Variants in GOLM2 observed in about 807,000 individuals in gnomAD.
The protein encoded by GOLM2 is protein GOLM2.
Under a neutral mutation model 55.9 loss-of-function variants are expected in GOLM2, and 26 were observed. That is an observed-to-expected ratio of 0.47 (90% CI 0.34 to 0.65). GOLM2 has a LOEUF of 0.65. Among genes scored for constraint, GOLM2 ranks in the 30% least tolerant of loss-of-function variants. The probability of loss-of-function intolerance (pLI) is 0.01; values close to 1 mark genes in which losing one functional copy is unlikely to be tolerated. For synonymous variants in GOLM2, 165 were observed against 194.6 expected, an observed-to-expected ratio of 0.85 and a Z score of 1.27; for missense variants, 486 against 531.8, an observed-to-expected ratio of 0.91 and a Z score of 0.85.
intron 6 of GOLM2, among the ~76,000 whole-genome samples, chr15:44,370,580 T>A (rs1595654269): frequency 6.6e-6 from 1 of 152,272 alleles, no homozygotes; most frequent in East Asian, 1.9e-4. Context: ...TGGTCCCTAC[T>A]CTTAAACTAT....
chr15:44,289,389 G>A lies in GOLM2; in HGVS notation c.327+33G>A, dbSNP rs767164436. 16 of 1,563,446 alleles carry A rather than the reference G, an allele frequency of 1.0e-5. No homozygotes were observed. The highest frequency in any genetic ancestry group is 1.2e-5 in the Non-Finnish European group (14 of 1,152,392). The stretch of plus-strand genomic sequence containing the variant: ...CGACCCTTTTCTCTTCAAACCCCAT[G>A]GTTTCTTTTCTCCCCGGGGTCTGGG... On this transcript the variant is annotated intron_variant, in intron 1 of 9. Coordinates refer to ENST00000299957, the MANE Select transcript of GOLM2 (RefSeq NM_138423.4). The surrounding 1 kb of genome is among the most constrained non-coding windows in gnomAD (Gnocchi z 4.8).
chr15:44,334,264 T>C (rs1303812436), intron 4 of GOLM2, among the ~76,000 whole-genome samples: 1 of 152,218 alleles, frequency 6.6e-6, no homozygotes, highest in Non-Finnish European at 1.5e-5. Context: ...TACCTAATTC[T>C]ACTCCCCACC....
At chr15:44,413,285 C>T (rs1283210037) in intron 9 of GOLM2, 51 bp from the exon 10 acceptor site, 1 of 1,338,858 alleles carries the variant, frequency 7.5e-7, no homozygotes, top group African/African-American at 1.5e-5. Flanking sequence ...AATTGGATTT[C>T]TGCAGTGATT....
At chr15:44,385,657 C>T (rs1447727394) in intron 8 of GOLM2, among the ~76,000 whole-genome samples, 1 of 152,144 alleles carries the variant, frequency 6.6e-6, no homozygotes, top group Non-Finnish European at 1.5e-5. Flanking sequence ...AGTAATCCTC[C>T]TGCCTCAGCC....
chr15:44,383,183 A>G (rs1595660649), intron 8 of GOLM2, among the ~76,000 whole-genome samples: 1 of 151,728 alleles, frequency 6.6e-6, no homozygotes, highest in East Asian at 1.9e-4. Context: ...GGCAATAATA[A>G]CAGTTTACTT....
intron 1 of GOLM2, among the ~76,000 whole-genome samples, chr15:44,319,668 A>T (rs891640320): frequency 2.0e-5 from 3 of 151,902 alleles, no homozygotes; most frequent in Non-Finnish European, 4.4e-5. Context: ...GCTCACTGCA[A>T]CCTCAACCTT....
chr15:44,303,480 G>A (rs61659883), intron 1 of GOLM2, among the ~76,000 whole-genome samples: 1 of 152,092 alleles, frequency 6.6e-6, no homozygotes, highest in Non-Finnish European at 1.5e-5. Flanking sequence ...ATTCAATTTA[G>A]TGTTTAAGTG....
chr15:44,407,025 A>T (rs1309391946), intron 9 of GOLM2: 2 of 148,662 alleles, frequency 1.3e-5, no homozygotes, highest in African/African-American at 2.4e-5. Flanking sequence ...CTGTGTTTAC[A>T]ATTATTTATA....
intron 3 of GOLM2, among the ~76,000 whole-genome samples, chr15:44,330,816 A>G (rs1380785495): frequency 6.6e-6 from 1 of 152,162 alleles, no homozygotes; most frequent in Non-Finnish European, 1.5e-5. Context: ...TAAAAGAATG[A>G]TTTACCAGTT....
At chr15:44,315,004 T>G (rs1424641361) in intron 1 of GOLM2, among the ~76,000 whole-genome samples, 2 of 152,256 alleles carry the variant, frequency 1.3e-5, no homozygotes, top group Non-Finnish European at 2.9e-5. Context: ...CCAGCTGGTA[T>G]AGGTGTTAAC....
chr15:44,303,658 T>C (rs2078814927), intron 1 of GOLM2, among the ~76,000 whole-genome samples: 1 of 151,874 alleles, frequency 6.6e-6, no homozygotes, highest in Non-Finnish European at 1.5e-5. Context: ...CTTGACCTTC[T>C]GGACTCAAGC....
intron 8 of GOLM2, among the ~76,000 whole-genome samples, chr15:44,381,465 A>G (rs1367855384): frequency 6.6e-6 from 1 of 152,188 alleles, no homozygotes; most frequent in Non-Finnish European, 1.5e-5. Context: ...TAGAAGTATA[A>G]GAAAAAATTC....
intron 6 of GOLM2, among the ~76,000 whole-genome samples, chr15:44,359,167 A>G (rs2079218542): frequency 6.6e-6 from 1 of 151,392 alleles, no homozygotes; most frequent in Non-Finnish European, 1.5e-5. Context: ...AATAATAATA[A>G]TAAAGAAAAA....
intron 6 of GOLM2, among the ~76,000 whole-genome samples, chr15:44,369,693 TACACACAC>T (rs3986148): frequency 5.0e-4 from 72 of 143,566 alleles, no homozygotes; most frequent in Middle Eastern, 3.5e-3. Context: ...TATATATGCA[TACACACAC>T]ACACACACAC....
At chr15:44,303,254 G>A (rs892868349) in intron 1 of GOLM2, among the ~76,000 whole-genome samples, 19 of 151,976 alleles carry the variant, frequency 1.3e-4, no homozygotes, top group African/African-American at 4.6e-4. Context: ...TTGAACCAAC[G>A]GGTGCATAAA....
At chr15:44,295,005 A>G (rs930283060) in intron 1 of GOLM2, among the ~76,000 whole-genome samples, 1 of 151,688 alleles carries the variant, frequency 6.6e-6, no homozygotes, top group African/African-American at 2.4e-5. Context: ...GAAAGGTGAT[A>G]TTTGGTTTCT....
At chr15:44,347,092 C>T (rs565228602) in intron 6 of GOLM2, among the ~76,000 whole-genome samples, 28 of 152,110 alleles carry the variant, frequency 1.8e-4, no homozygotes, top group African/African-American at 6.5e-4. Context: ...CCACTGTACT[C>T]CAGTCTGGGT....
At chr15:44,338,195 TA>T in intron 5 of GOLM2, 41 bp from the exon 6 acceptor site, 1 of 1,559,674 alleles carries the variant, frequency 6.4e-7, no homozygotes, top group Non-Finnish European at 8.8e-7. Context: ...TCAAATTATG[TA>T]AGAAAAACGA....
rs1282399819 is a variant in GOLM2 at position 44,374,830 on chromosome 15, G to T, written c.803-4860G>T. Among the ~76,000 whole-genome samples the T allele has an allele frequency of 3.9e-5, 6 of 152,098 alleles. No homozygotes were observed. In the East Asian group the frequency reaches 1.2e-3, roughly 29 times the overall value. On this transcript the variant is annotated intron_variant, in intron 6 of 9. Coordinates refer to ENST00000299957, the MANE Select transcript of GOLM2 (RefSeq NM_138423.4). The stretch of plus-strand genomic sequence containing the variant: ...ACCAGGCCCCACCTCCGACACTGGG[G>T]ATTACAATTCAGCATGAGATTTGGG...
Sources: allele counts gnomAD v4.1 joint callset (sites outside exome capture counted in the v4.1 genomes callset), GRCh38; gene constraint gnomAD v4.1.1; non-coding constraint Gnocchi (gnomAD v3.1); transcripts MANE v1.5; gene names NCBI Gene and HGNC (gene_info 2026-07-23, HGNC 2026-07-21).